MAD1L1: variants seen among roughly 807,000 people sequenced by gnomAD.
The protein encoded by MAD1L1 is mitotic arrest deficient 1 like 1, also known as mitotic spindle assembly checkpoint protein MAD1.
A neutral mutation model predicts 96.9 loss-of-function variants in MAD1L1; 95 were observed. The ratio of observed to expected loss-of-function variants is 0.98; its 90% CI spans 0.83 to 1.16. The LOEUF is 1.16. Ranked by LOEUF, MAD1L1 falls within the 50% of genes most tolerant of loss-of-function variation. MAD1L1 has a pLI of 0.00. For missense variants in MAD1L1, 1,007 were observed against 954.4 expected, an observed-to-expected ratio of 1.06 and a Z score of -0.73; for synonymous variants, 473 against 396.6, an observed-to-expected ratio of 1.19 and a Z score of -2.29.
intron 11 of MAD1L1, among the ~76,000 whole-genome samples, chr7:2,096,417 C>T (rs994936642): frequency 3.9e-5 from 6 of 152,212 alleles, no homozygotes; most frequent in African/African-American, 1.4e-4. Context: ...GGCCGAACCT[C>T]AGTGCGGACT....
At chr7:2,167,993 A>G (rs1790519506) in intron 10 of MAD1L1, among the ~76,000 whole-genome samples, 1 of 151,916 alleles carries the variant, frequency 6.6e-6, no homozygotes, top group Non-Finnish European at 1.5e-5. Context: ...AGAGTAAAGA[A>G]CAGTAAATTG....
intron 17 of MAD1L1, among the ~76,000 whole-genome samples, chr7:1,935,353 C>A (rs1778535320): frequency 1.3e-5 from 2 of 152,204 alleles, no homozygotes; most frequent in South Asian, 4.1e-4. Flanking sequence ...GGAAAGGAGC[C>A]CCCGACTGCC....
In MAD1L1 at chr7:2,114,971, C is replaced by T. The variant is rs1787588357; in HGVS notation, c.1073+34181G>A. On this transcript the variant is annotated intron_variant, in intron 11 of 18. Coordinates refer to ENST00000265854, the MANE Select transcript of MAD1L1 (RefSeq NM_001013836.2). This position sits in a 1 kb window ranked among gnomAD's most constrained non-coding sequence, Gnocchi z 4.2. ...AGGGAACCTTCCGGAAGAATCTGTTCCCAGGGTAGAAACAGTGACGGGCCA... is the reference window on the plus strand; with the variant it reads ...AGGGAACCTTCCGGAAGAATCTGTTTCCAGGGTAGAAACAGTGACGGGCCA... Among the ~76,000 whole-genome samples the T allele has an allele frequency of 1.3e-5, 2 of 152,366 alleles. No individual in the cohort carries two copies. Among genetic ancestry groups the T allele is most frequent in the Admixed American group, 6.5e-5 (1 of 15,314 alleles).
intron 10 of MAD1L1, among the ~76,000 whole-genome samples, chr7:2,153,621 G>T (rs1353301391): frequency 6.6e-6 from 1 of 152,176 alleles, no homozygotes; most frequent in Non-Finnish European, 1.5e-5. Context: ...TAGTACCACC[G>T]CTATGGAACC....
At chr7:2,064,310 G>A (rs1357684435) in intron 12 of MAD1L1, among the ~76,000 whole-genome samples, 4 of 152,120 alleles carry the variant, frequency 2.6e-5, no homozygotes, top group Admixed American at 6.5e-5. Flanking sequence ...GCACAGAAAC[G>A]ACCCCCAAGA....
chr7:2,091,262 G>A (rs1396435401), intron 11 of MAD1L1, among the ~76,000 whole-genome samples: 1 of 152,178 alleles, frequency 6.6e-6, no homozygotes, highest in East Asian at 1.9e-4. Flanking sequence ...CTCCTACCGA[G>A]AACAGTGCTT....
At chr7:2,025,899 A>G (rs1224831740) in intron 12 of MAD1L1, among the ~76,000 whole-genome samples, 2 of 152,218 alleles carry the variant, frequency 1.3e-5, no homozygotes, top group African/African-American at 4.8e-5. Flanking sequence ...GATCATAAAA[A>G]AATTTATTCT....
intron 16 of MAD1L1, among the ~76,000 whole-genome samples, chr7:1,950,405 G>C (rs559781201): frequency 2.0e-5 from 3 of 152,306 alleles, no homozygotes; most frequent in African/African-American, 7.2e-5. Context: ...CCTGACCTCA[G>C]GCCTCATCAG....
At chr7:2,183,767 G>A (rs951511340) in intron 10 of MAD1L1, among the ~76,000 whole-genome samples, 14 of 151,984 alleles carry the variant, frequency 9.2e-5, no homozygotes, top group Admixed American at 1.3e-4. Flanking sequence ...TGGGGGGAGC[G>A]GGGAGGGACA....
chr7:2,232,589 G>T (rs775019738), intron 1 of MAD1L1, among the ~76,000 whole-genome samples: 6 of 152,186 alleles, frequency 3.9e-5, no homozygotes, highest in Non-Finnish European at 7.3e-5. Flanking sequence ...CGCCCGCCCT[G>T]GCACAAGGGA....
At chr7:1,894,633 T>C (rs140085602) in intron 18 of MAD1L1, among the ~76,000 whole-genome samples, 2 of 152,106 alleles carry the variant, frequency 1.3e-5, no homozygotes, top group East Asian at 3.9e-4. Context: ...TAAAGGCCCA[T>C]ATCCAGCAGG....
intron 11 of MAD1L1, among the ~76,000 whole-genome samples, chr7:2,113,336 T>C (rs1787482377): frequency 6.6e-6 from 1 of 152,086 alleles, no homozygotes; most frequent in Admixed American, 6.5e-5. Context: ...TCCCAGCGCT[T>C]TGGGAGGCTG....
chr7:1,944,019 G>C (rs1779116325), intron 16 of MAD1L1, among the ~76,000 whole-genome samples: 1 of 152,278 alleles, frequency 6.6e-6, no homozygotes, highest in South Asian at 2.1e-4. Flanking sequence ...GGTGAACCTT[G>C]AACAAGGGAA....
intron 10 of MAD1L1, among the ~76,000 whole-genome samples, chr7:2,210,231 C>T (rs1792840091): frequency 6.6e-6 from 1 of 152,158 alleles, no homozygotes; most frequent in African/African-American, 2.4e-5. Flanking sequence ...CACCACTGAG[C>T]ACCGCTAATT....
chr7:1,966,988 A>G (rs1105641), intron 15 of MAD1L1, among the ~76,000 whole-genome samples: 10,371 of 152,332 alleles, frequency 0.068, 490 homozygotes, highest in Admixed American at 0.14. Context: ...TACCTGGAGC[A>G]TCGACAATGA....
At chr7:1,874,283 G>A (rs1785261070) in intron 18 of MAD1L1, among the ~76,000 whole-genome samples, 1 of 152,172 alleles carries the variant, frequency 6.6e-6, no homozygotes, top group Admixed American at 6.5e-5. Context: ...GCAGACAACC[G>A]TGTCATCGCA....
At chr7:1,896,486 C>G (rs1435475491) in intron 18 of MAD1L1, among the ~76,000 whole-genome samples, 1 of 152,236 alleles carries the variant, frequency 6.6e-6, no homozygotes, top group Non-Finnish European at 1.5e-5. Flanking sequence ...GGTCAAGATG[C>G]TACTTGCTGA....
intron 6 of MAD1L1, among the ~76,000 whole-genome samples, chr7:2,218,764 G>A (rs1336354681): frequency 6.6e-6 from 1 of 152,010 alleles, no homozygotes; most frequent in Non-Finnish European, 1.5e-5. Flanking sequence ...TTTAAAATTA[G>A]CCAGGTGCAA....
At chr7:2,194,556 G>A (rs916851735) in intron 10 of MAD1L1, among the ~76,000 whole-genome samples, 2 of 152,116 alleles carry the variant, frequency 1.3e-5, no homozygotes, top group African/African-American at 4.8e-5. Flanking sequence ...CCCTATTCTG[G>A]GCTAGAAAGG....
Sources: allele counts gnomAD v4.1 joint callset (sites outside exome capture counted in the v4.1 genomes callset), GRCh38; gene constraint gnomAD v4.1.1; non-coding constraint Gnocchi (gnomAD v3.1); transcripts MANE v1.5; gene names NCBI Gene and HGNC (gene_info 2026-07-23, HGNC 2026-07-21).